FRMPD4: variants seen among roughly 807,000 people sequenced by gnomAD.
FRMPD4 encodes the protein FERM and PDZ domain-containing protein 4.
FRMPD4 carries 22 observed loss-of-function variants against 94.1 expected under a neutral mutation model. The observed-to-expected ratio is 0.23, with a 90% CI of 0.17 to 0.33. The LOEUF (loss-of-function observed/expected upper bound fraction) is 0.33, where lower values mean the gene tolerates loss of function less well. Ranked by LOEUF, FRMPD4 falls within the 10% of genes least tolerant of loss-of-function variation. FRMPD4 has a pLI of 1.00. For synonymous variants in FRMPD4, 631 were observed against 548.6 expected, an observed-to-expected ratio of 1.15 and a Z score of -2.10; for missense variants, 1,111 against 1,339.9, an observed-to-expected ratio of 0.83 and a Z score of 2.67.
chrX:12,303,351 A>G (rs1173491526), intron 1 of FRMPD4, among the ~76,000 whole-genome samples: 3 of 112,205 alleles, frequency 2.7e-5, no homozygotes, highest in Non-Finnish European at 5.6e-5. Context: ...GATAACATAG[A>G]TGGAGAGTAA....
At chrX:12,477,275 AAGG>A (rs1463027995) in intron 1 of FRMPD4, among the ~76,000 whole-genome samples, 1 of 110,826 alleles carries the variant, frequency 9.0e-6, no homozygotes, top group Non-Finnish European at 1.9e-5. Flanking sequence ...TGGACACAGG[AAGG>A]AGAACATCAC....
chrX:12,666,243 A>G (rs1184143790), intron 4 of FRMPD4, among the ~76,000 whole-genome samples: 5 of 111,850 alleles, frequency 4.5e-5, no homozygotes, highest in Non-Finnish European at 1.9e-5. Flanking sequence ...TCCTAAATAT[A>G]TATGCACCCA....
At chrX:12,007,795 A>C (rs183334697) in intron 3 of FRMPD4, among the ~76,000 whole-genome samples, 1 of 112,440 alleles carries the variant, frequency 8.9e-6, no homozygotes, top group East Asian at 2.8e-4. Context: ...TCGGTCCTCT[A>C]TATCCCCACT....
chrX:12,129,166 G>C (rs1179337157), intron 3 of FRMPD4, among the ~76,000 whole-genome samples: 1 of 111,830 alleles, frequency 8.9e-6, no homozygotes, highest in African/African-American at 3.3e-5. Context: ...CCAGTTTACT[G>C]TATTAGTCCA....
chrX:12,413,572 G>A (rs1342448840), intron 1 of FRMPD4, among the ~76,000 whole-genome samples: 1 of 112,244 alleles, frequency 8.9e-6, no homozygotes, highest in Non-Finnish European at 1.9e-5. Flanking sequence ...CTGCATTCTA[G>A]CTACACCAAG....
intron 2 of FRMPD4, among the ~76,000 whole-genome samples, chrX:12,553,587 C>G (rs779498305): frequency 9.3e-6 from 1 of 107,114 alleles, no homozygotes; most frequent in East Asian, 2.9e-4. Flanking sequence ...GGTCTTTACA[C>G]CAGTCCCCCA....
chrX:12,072,841 C>T (rs1044789019), intron 3 of FRMPD4, among the ~76,000 whole-genome samples: 1 of 110,243 alleles, frequency 9.1e-6, no homozygotes, highest in African/African-American at 3.3e-5. Flanking sequence ...GATGAAGGTC[C>T]CCATCCCGTT....
intron 1 of FRMPD4, among the ~76,000 whole-genome samples, chrX:12,205,579 G>C (rs1390171610): frequency 5.4e-5 from 6 of 111,783 alleles, no homozygotes; most frequent in Non-Finnish European, 7.5e-5. Flanking sequence ...TATACTCTCA[G>C]AGTGTTACTG....
At chrX:12,505,749 A>AAAT (rs1555975081) in intron 2 of FRMPD4, among the ~76,000 whole-genome samples, 3 of 78,814 alleles carry the variant, frequency 3.8e-5, no homozygotes, top group African/African-American at 1.4e-4. Context: ...AAAAAAAAAA[A>AAAT]GGGGGGGAGA....
chrX:12,292,598 A>G (rs1192860997), intron 1 of FRMPD4, among the ~76,000 whole-genome samples: 1 of 111,543 alleles, frequency 9.0e-6, no homozygotes, highest in Non-Finnish European at 1.9e-5. Flanking sequence ...TTAGCTTGTA[A>G]TTGAGGAAAC....
intron 3 of FRMPD4, among the ~76,000 whole-genome samples, chrX:11,954,993 A>T (rs2054246696): frequency 9.0e-6 from 1 of 111,384 alleles, no homozygotes; most frequent in Non-Finnish European, 1.9e-5. Flanking sequence ...GTAACTTATA[A>T]ACAACATTTA....
chrX:12,145,931 G>T (rs1434561349), intron 1 of FRMPD4, among the ~76,000 whole-genome samples: 1 of 112,009 alleles, frequency 8.9e-6, no homozygotes, highest in Non-Finnish European at 1.9e-5. Flanking sequence ...AATACCACTT[G>T]TAGGTTAACT....
At chrX:12,270,057 C>T (rs911183010) in intron 1 of FRMPD4, among the ~76,000 whole-genome samples, 5 of 111,958 alleles carry the variant, frequency 4.5e-5, no homozygotes, top group African/African-American at 1.3e-4. Flanking sequence ...TCTGAAATTA[C>T]TGATTCCTGG....
chrX:12,252,416 AAAG>A (rs771342561), intron 1 of FRMPD4, among the ~76,000 whole-genome samples: 61 of 112,323 alleles, frequency 5.4e-4, no homozygotes, highest in Non-Finnish European at 7.1e-4. Flanking sequence ...AAGATAAAGA[AAAG>A]AAGGAGAACA....
At chrX:12,624,301 G>T (rs934199992) in intron 4 of FRMPD4, among the ~76,000 whole-genome samples, 2 of 112,105 alleles carry the variant, frequency 1.8e-5, no homozygotes, top group African/African-American at 6.5e-5. Context: ...AAAGACAAAA[G>T]TATTAAAAAA....
At chrX:12,356,651 T>C (rs1285709059) in intron 1 of FRMPD4, among the ~76,000 whole-genome samples, 3 of 112,307 alleles carry the variant, frequency 2.7e-5, no homozygotes, top group Non-Finnish European at 1.9e-5. Flanking sequence ...CTTCATGCTT[T>C]TTGAATTACA....
chrX:12,282,687 A>G (rs2054543950), intron 1 of FRMPD4, among the ~76,000 whole-genome samples: 1 of 112,463 alleles, frequency 8.9e-6, no homozygotes, highest in Non-Finnish European at 1.9e-5. Flanking sequence ...CCAAGTTGCC[A>G]TCTACAAACC....
chrX:12,275,030 A>T (rs1275303443), intron 1 of FRMPD4, among the ~76,000 whole-genome samples: 1 of 112,029 alleles, frequency 8.9e-6, no homozygotes, highest in South Asian at 3.8e-4. Flanking sequence ...CCACATGTAC[A>T]GAAATAACTG....
At chrX:11,876,856 C>A (rs922209526) in intron 2 of FRMPD4, among the ~76,000 whole-genome samples, 1 of 112,134 alleles carries the variant, frequency 8.9e-6, no homozygotes, top group Non-Finnish European at 1.9e-5. Context: ...TGGTTTCAAC[C>A]GGGGTTGATT....
Sources: allele counts gnomAD v4.1 joint callset (sites outside exome capture counted in the v4.1 genomes callset), GRCh38; gene constraint gnomAD v4.1.1; transcripts MANE v1.5; gene names NCBI Gene and HGNC (gene_info 2026-07-23, HGNC 2026-07-21).